DLGAP1: variants seen among roughly 807,000 people sequenced by gnomAD.
The protein encoded by DLGAP1 is disks large-associated protein 1.
DLGAP1 carries 11 observed loss-of-function variants against 90.8 expected under a neutral mutation model. The observed-to-expected ratio is 0.12, with a 90% confidence interval of 0.08 to 0.20. DLGAP1 has a LOEUF of 0.20. Among genes scored for constraint, DLGAP1 ranks in the 10% least tolerant of loss-of-function variants. The pLI is 1.00. For synonymous variants in DLGAP1, 558 were observed against 540.7 expected, an observed-to-expected ratio of 1.03 and a Z score of -0.44; for missense variants, 1,050 against 1,333.8, an observed-to-expected ratio of 0.79 and a Z score of 3.31.
rs528548396 is a variant in DLGAP1 at position 4,031,963 on chromosome 18, C to T, written c.-158-26762G>A. On this transcript the variant is annotated intron_variant, in intron 2 of 12. Coordinates refer to ENST00000315677, the MANE Select transcript of DLGAP1 (RefSeq NM_004746.4). ...ACATATGGTCATATGTGAACATATGCACACAGATAAACAAGGTAGCATTAT... is the reference window on the plus strand; with the variant it reads ...ACATATGGTCATATGTGAACATATGTACACAGATAAACAAGGTAGCATTAT... 7.9e-5 allele frequency among the ~76,000 whole-genome samples: 12 copies of T among 152,240 alleles called. No homozygotes were observed. In the East Asian group the frequency reaches 2.3e-3, roughly 29 times the overall value.
At chr18:3,933,023 T>C (rs1481211398) in intron 3 of DLGAP1, among the ~76,000 whole-genome samples, 1 of 152,152 alleles carries the variant, frequency 6.6e-6, no homozygotes, top group Non-Finnish European at 1.5e-5. Context: ...TAGAGCAACA[T>C]GAAAATCTCT....
At chr18:3,905,068 T>G (rs2071866857) in intron 3 of DLGAP1, among the ~76,000 whole-genome samples, 1 of 151,094 alleles carries the variant, frequency 6.6e-6, no homozygotes, top group Admixed American at 6.6e-5. Flanking sequence ...ACCAGGATAG[T>G]TGAAATGTAC....
At chr18:3,623,355 C>T (rs1162090164) in intron 7 of DLGAP1, among the ~76,000 whole-genome samples, 5 of 152,194 alleles carry the variant, frequency 3.3e-5, no homozygotes, top group African/African-American at 7.2e-5. Flanking sequence ...ATTATTTTCA[C>T]GAGCCCTGAC....
chr18:3,911,382 A>C (rs1026257909), intron 3 of DLGAP1, among the ~76,000 whole-genome samples: 1 of 152,220 alleles, frequency 6.6e-6, no homozygotes, highest in South Asian at 2.1e-4. Context: ...AGTCATGCAA[A>C]TAAATCAAGA....
At chr18:4,009,390 T>TA (rs1294881052) in intron 2 of DLGAP1, among the ~76,000 whole-genome samples, 6 of 152,244 alleles carry the variant, frequency 3.9e-5, no homozygotes, top group African/African-American at 1.4e-4. Flanking sequence ...TTGCAGCCGA[T>TA]ACTGGGACAA....
intron 2 of DLGAP1, among the ~76,000 whole-genome samples, chr18:4,068,050 T>TTA (rs2075395215): frequency 6.6e-6 from 1 of 152,014 alleles, no homozygotes; most frequent in Non-Finnish European, 1.5e-5. Context: ...TGTATTACAC[T>TTA]TATATATATA....
chr18:4,325,514 A>G (rs1485069291), intron 1 of DLGAP1, among the ~76,000 whole-genome samples: 3 of 152,172 alleles, frequency 2.0e-5, no homozygotes, highest in Admixed American at 2.0e-4. Context: ...AAACTATTTA[A>G]AAATTCATAT....
intron 1 of DLGAP1, among the ~76,000 whole-genome samples, chr18:4,260,351 T>C (rs1241887023): frequency 6.6e-6 from 1 of 152,214 alleles, no homozygotes; most frequent in African/African-American, 2.4e-5. Flanking sequence ...TACCTTACCA[T>C]GCTGCTGGAA....
At chr18:3,701,749 A>AT (rs2061286651) in intron 7 of DLGAP1, among the ~76,000 whole-genome samples, 1 of 152,148 alleles carries the variant, frequency 6.6e-6, no homozygotes, top group South Asian at 2.1e-4. Flanking sequence ...GGGTTGGTAT[A>AT]TTTTGGGTTC....
At chr18:3,642,759 C>T (rs1639346) in intron 7 of DLGAP1, among the ~76,000 whole-genome samples, 2,968 of 152,256 alleles carry the variant, frequency 0.019, 91 homozygotes, top group African/African-American at 0.068. Flanking sequence ...GTATCATAAG[C>T]CTTCATATCT....
chr18:4,007,607 G>A (rs894745010), intron 2 of DLGAP1, among the ~76,000 whole-genome samples: 1 of 152,186 alleles, frequency 6.6e-6, no homozygotes, highest in African/African-American at 2.4e-5. Context: ...AGTGAGCCGA[G>A]ATTGCATCAC....
chr18:3,803,183 G>C (rs1382084536), intron 5 of DLGAP1, among the ~76,000 whole-genome samples: 2 of 152,090 alleles, frequency 1.3e-5, no homozygotes, highest in African/African-American at 2.4e-5. Flanking sequence ...GCTCTCATTG[G>C]ACGACTGGAC....
At chr18:4,373,585 C>G in intron 1 of DLGAP1, among the ~76,000 whole-genome samples, 1 of 152,284 alleles carries the variant, frequency 6.6e-6, no homozygotes, top group South Asian at 2.1e-4. Flanking sequence ...TGCACATACA[C>G]GCATATGAAC....
At chr18:3,766,513 C>T (rs182602668) in intron 5 of DLGAP1, among the ~76,000 whole-genome samples, 6 of 152,032 alleles carry the variant, frequency 3.9e-5, no homozygotes, top group East Asian at 1.9e-4. Flanking sequence ...CCAAGAACAG[C>T]GGAATACTCA....
intron 2 of DLGAP1, among the ~76,000 whole-genome samples, chr18:4,079,192 T>C (rs976011463): frequency 2.0e-5 from 3 of 151,770 alleles, no homozygotes; most frequent in African/African-American, 7.3e-5. Flanking sequence ...ATCCATTGGC[T>C]TGTGGAGAGC....
intron 7 of DLGAP1, among the ~76,000 whole-genome samples, chr18:3,608,858 G>A (rs2057453635): frequency 6.6e-6 from 1 of 152,096 alleles, no homozygotes; most frequent in Non-Finnish European, 1.5e-5. Flanking sequence ...ATTTTTTTGA[G>A]ACAGAGTCTT....
Position 4,022,554 on chromosome 18 carries a change from C to G in DLGAP1, c.-158-17353G>C, listed in dbSNP as rs142404690. ...TGTTTTTAAAGATCTACTCACGATGCTACATATAAGTCTAAGTGATTGCTT... is the reference window on the plus strand; with the variant it reads ...TGTTTTTAAAGATCTACTCACGATGGTACATATAAGTCTAAGTGATTGCTT... On this transcript the variant is annotated intron_variant, in intron 2 of 12. Coordinates refer to ENST00000315677, the MANE Select transcript of DLGAP1 (RefSeq NM_004746.4). Among the ~76,000 whole-genome samples, 120 of 152,198 alleles carry G rather than the reference C, an allele frequency of 7.9e-4. 1 individual carries two copies. The highest frequency in any genetic ancestry group is 2.8e-3 in the African/African-American group (117 of 41,536).
At position 4,049,259 on chromosome 18, in the gene DLGAP1, C is replaced by T. The variant is rs73380577; in HGVS notation, c.-158-44058G>A. Among the ~76,000 whole-genome samples the T allele has an allele frequency of 4.4e-3, 674 of 151,508 alleles. 5 individuals carry two copies. Among genetic ancestry groups the T allele is most frequent in the African/African-American group, 0.015 (628 of 41,284 alleles). On this transcript the variant is annotated intron_variant, in intron 2 of 12. Coordinates refer to ENST00000315677, the MANE Select transcript of DLGAP1 (RefSeq NM_004746.4). ...AAAAAAAAAAAATTATATGCCTGGT[C>T]GTAGAACTTCCCGCCACACAGATGT...
intron 1 of DLGAP1, among the ~76,000 whole-genome samples, chr18:4,222,028 T>G (rs2078088167): frequency 6.6e-6 from 1 of 152,150 alleles, no homozygotes; most frequent in Non-Finnish European, 1.5e-5. Context: ...ATTCCCCATT[T>G]CCTTGAGTAT....
Sources: allele counts gnomAD v4.1 joint callset (sites outside exome capture counted in the v4.1 genomes callset), GRCh38; gene constraint gnomAD v4.1.1; transcripts MANE v1.5; gene names NCBI Gene and HGNC (gene_info 2026-07-23, HGNC 2026-07-21).